RAD51B: variants seen among roughly 807,000 people sequenced by gnomAD.
RAD51B encodes the protein DNA repair protein RAD51 homolog 2.
A neutral mutation model predicts 42.2 loss-of-function variants in RAD51B; 38 were observed. The ratio of observed to expected loss-of-function variants is 0.90; its 90% confidence interval spans 0.70 to 1.18. The LOEUF (loss-of-function observed/expected upper bound fraction) is 1.18. Ranked by LOEUF, RAD51B falls within the 50% of genes most tolerant of loss-of-function variation. The pLI, the probability that RAD51B is intolerant of heterozygous loss-of-function variation, is 0.00. For missense variants in RAD51B, 373 were observed against 400.7 expected (o/e 0.93, Z 0.59); for synonymous variants, 154 against 145.2 (o/e 1.06, Z -0.43).
chr14:67,846,918 A>G, intron 4 of RAD51B, among the ~76,000 whole-genome samples: 1 of 150,872 alleles, frequency 6.6e-6, no homozygotes, highest in Non-Finnish European at 1.5e-5. Flanking sequence ...TACCCCTACC[A>G]CCTCTCTAAG....
At chr14:68,297,999 A>G (rs1467144303) in intron 8 of RAD51B, among the ~76,000 whole-genome samples, 3 of 152,180 alleles carry the variant, frequency 2.0e-5, no homozygotes, top group East Asian at 3.8e-4. Context: ...ACGATTTTAC[A>G]TGGTTCTATT....
Position 67,920,724 on chromosome 14 carries a change from G to T in RAD51B, c.756+33520G>T, listed in dbSNP as rs1246202412. ...GCATATGTGCTGTATGACAGGCTCT[G>T]TGCTTGGTCTTAGGAATACAGGACA... On this transcript the variant is annotated intron_variant, in intron 7 of 10. Coordinates refer to ENST00000471583, the MANE Select transcript of RAD51B (RefSeq NM_133510.4). 3.3e-5 allele frequency among the ~76,000 whole-genome samples: 5 copies of T among 152,258 alleles called. No individual in the cohort carries two copies. The East Asian group carries it at 5.8e-4, about 18-fold the overall frequency.
intron 7 of RAD51B, among the ~76,000 whole-genome samples, chr14:67,970,919 G>A (rs905344470): frequency 1.3e-5 from 2 of 152,090 alleles, no homozygotes; most frequent in African/African-American, 4.8e-5. Context: ...AAAGCTTAGT[G>A]TCCAACTGGT....
At chr14:68,291,285 G>A (rs780479978) in intron 7 of RAD51B, among the ~76,000 whole-genome samples, 11 of 151,930 alleles carry the variant, frequency 7.2e-5, no homozygotes, top group African/African-American at 1.9e-4. Context: ...CACAACCTCC[G>A]CCTCTCGGAT....
intron 10 of RAD51B, among the ~76,000 whole-genome samples, chr14:68,559,280 T>G (rs2140013790): frequency 6.6e-6 from 1 of 152,228 alleles, no homozygotes; most frequent in East Asian, 1.9e-4. Flanking sequence ...ACTCATGTAG[T>G]GTCATACATG....
chr14:68,604,538 G>T (rs914158761), intron 10 of RAD51B, among the ~76,000 whole-genome samples: 1 of 152,180 alleles, frequency 6.6e-6, no homozygotes, highest in Non-Finnish European at 1.5e-5. Context: ...GAGAGCAGGG[G>T]GCCAGCTCCA....
chr14:68,152,774 G>A (rs779181321), intron 7 of RAD51B, among the ~76,000 whole-genome samples: 17 of 150,412 alleles, frequency 1.1e-4, no homozygotes, highest in Non-Finnish European at 2.1e-4. Flanking sequence ...CTTCAAGTAG[G>A]CTCCAGTGTC....
chr14:68,574,140 G>A (rs112783884), intron 10 of RAD51B, among the ~76,000 whole-genome samples: 16,864 of 151,972 alleles, frequency 0.11, 1,069 homozygotes, highest in Middle Eastern at 0.32. Flanking sequence ...ACAGGGTCTC[G>A]CTCTGTCACC....
intron 7 of RAD51B, among the ~76,000 whole-genome samples, chr14:68,136,940 A>T (rs2078023026): frequency 1.4e-5 from 1 of 71,528 alleles, no homozygotes; most frequent in African/African-American, 3.0e-5. Context: ...GGATTTTCCT[A>T]TATTTGAGAA....
chr14:68,394,626 T>C (rs939969448), intron 8 of RAD51B, among the ~76,000 whole-genome samples: 1 of 152,270 alleles, frequency 6.6e-6, no homozygotes, highest in Non-Finnish European at 1.5e-5. Flanking sequence ...AATTTGAATG[T>C]CTCAATCCTC....
intron 7 of RAD51B, among the ~76,000 whole-genome samples, chr14:67,995,933 A>T (rs979411231): frequency 2.6e-5 from 4 of 152,022 alleles, no homozygotes; most frequent in South Asian, 4.1e-4. Context: ...CTTCATTTTT[A>T]AAAAATCTGC....
At chr14:68,373,150 A>G (rs1746671339) in intron 8 of RAD51B, among the ~76,000 whole-genome samples, 1 of 152,206 alleles carries the variant, frequency 6.6e-6, no homozygotes, top group Non-Finnish European at 1.5e-5. Flanking sequence ...AAATCAAACT[A>G]TCTTCTTTGA....
At chr14:68,117,213 C>T (rs1341719321) in intron 7 of RAD51B, among the ~76,000 whole-genome samples, 1 of 152,022 alleles carries the variant, frequency 6.6e-6, no homozygotes, top group Non-Finnish European at 1.5e-5. Context: ...TATATATATT[C>T]ATATAGTTTT....
intron 8 of RAD51B, among the ~76,000 whole-genome samples, chr14:68,352,611 T>A (rs1010685786): frequency 6.6e-6 from 1 of 152,238 alleles, no homozygotes; most frequent in Non-Finnish European, 1.5e-5. Flanking sequence ...TACAAACTAT[T>A]TCCTCACAGA....
At chr14:68,442,879 A>G (rs1441707225) in intron 9 of RAD51B, among the ~76,000 whole-genome samples, 3 of 152,158 alleles carry the variant, frequency 2.0e-5, no homozygotes, top group South Asian at 4.1e-4. Flanking sequence ...GACTTAATCA[A>G]TAAGAGGAGC....
intron 7 of RAD51B, among the ~76,000 whole-genome samples, chr14:68,181,491 T>G (rs2079060423): frequency 6.6e-6 from 1 of 152,206 alleles, no homozygotes; most frequent in African/African-American, 2.4e-5. Context: ...TCCTTGATTT[T>G]TTGTCATTTT....
intron 10 of RAD51B, among the ~76,000 whole-genome samples, chr14:68,601,192 C>T (rs1407201246): frequency 6.6e-6 from 1 of 152,086 alleles, no homozygotes; most frequent in African/African-American, 2.4e-5. Flanking sequence ...AAGCCTTGGA[C>T]CCTGTAGTTG....
At chr14:68,377,548 A>G (rs1332573036) in intron 8 of RAD51B, among the ~76,000 whole-genome samples, 3 of 152,236 alleles carry the variant, frequency 2.0e-5, no homozygotes, top group Admixed American at 6.5e-5. Context: ...TTGCTTGTCC[A>G]GCTGCAATGA....
intron 11 of RAD51B, among the ~76,000 whole-genome samples, chr14:68,660,584 T>C (rs139534584): frequency 4.4e-4 from 67 of 151,822 alleles, no homozygotes; most frequent in Non-Finnish European, 7.5e-4. Context: ...AGACACGGGG[T>C]TCCAGAGCAT....
Sources: allele counts gnomAD v4.1 joint callset (sites outside exome capture counted in the v4.1 genomes callset), GRCh38; gene constraint gnomAD v4.1.1; transcripts MANE v1.5; gene names NCBI Gene and HGNC (gene_info 2026-07-23, HGNC 2026-07-21).